Variants in AUTS2 observed in about 807,000 individuals in gnomAD.
The protein encoded by AUTS2 is activator of transcription and developmental regulator AUTS2.
Under a neutral mutation model 112.4 loss-of-function variants are expected in AUTS2, and 17 were observed. The observed-to-expected ratio is 0.15, with a 90% CI of 0.10 to 0.23. The LOEUF (loss-of-function observed/expected upper bound fraction) is 0.23. Among genes scored for constraint, AUTS2 ranks in the 10% least tolerant of loss-of-function variants. AUTS2 has a pLI of 1.00. For synonymous variants in AUTS2, 751 were observed against 702.7 expected, an observed-to-expected ratio of 1.07 and a Z score of -1.09; for missense variants, 1,510 against 1,701.6, an observed-to-expected ratio of 0.89 and a Z score of 1.98.
intron 1 of AUTS2, among the ~76,000 whole-genome samples, chr7:69,865,396 G>A (rs1470836133): frequency 6.6e-6 from 1 of 152,110 alleles, no homozygotes; most frequent in Non-Finnish European, 1.5e-5. Context: ...TAGTCTCTGT[G>A]CTGTCCAGAA....
At position 69,827,463 on chromosome 7, in the gene AUTS2, T is replaced by TA. The variant is rs909049225; in HGVS notation, c.310-71816dup. Among the ~76,000 whole-genome samples, 35 of 152,016 alleles carry TA rather than the reference T, an allele frequency of 2.3e-4. No individual in the cohort carries two copies. In the East Asian group the frequency reaches 6.4e-3, roughly 28 times the overall value. On this transcript the variant is annotated intron_variant, in intron 1 of 18. Coordinates refer to ENST00000342771, the MANE Select transcript of AUTS2 (RefSeq NM_015570.4). ...AAAGAAGAGGGGAAAAAAAAACCCC[T>TA]AAAAAAACCCTGGATTCTGAAGATG...
intron 4 of AUTS2, among the ~76,000 whole-genome samples, chr7:70,148,341 G>T (rs373856579): frequency 1.1e-4 from 16 of 152,192 alleles, no homozygotes; most frequent in African/African-American, 3.4e-4. Flanking sequence ...AAAAAAGAGA[G>T]CTTCCTTATA....
chr7:70,297,954 C>A (rs1319441334), intron 4 of AUTS2, among the ~76,000 whole-genome samples: 3 of 152,158 alleles, frequency 2.0e-5, no homozygotes, highest in African/African-American at 7.2e-5. Flanking sequence ...GAGGGTAGAA[C>A]CTCCTTTGCT....
At chr7:70,362,849 C>G (rs1205541986) in intron 4 of AUTS2, among the ~76,000 whole-genome samples, 1 of 152,106 alleles carries the variant, frequency 6.6e-6, no homozygotes, top group Non-Finnish European at 1.5e-5. Flanking sequence ...GCATGAACAC[C>G]TGGAGATACG....
chr7:69,662,638 AT>A (rs201108853), intron 1 of AUTS2, among the ~76,000 whole-genome samples: 1,603 of 152,290 alleles, frequency 0.011, 9 homozygotes, highest in Non-Finnish European at 0.016. Context: ...GCTTTGGTAT[AT>A]TGAAAGCACC....
intron 1 of AUTS2, among the ~76,000 whole-genome samples, chr7:69,659,987 G>C (rs1054396403): frequency 6.6e-6 from 1 of 152,106 alleles, no homozygotes; most frequent in African/African-American, 2.4e-5. Flanking sequence ...ACAGACTTTA[G>C]AGGGACTTCA....
At chr7:70,600,670 T>C (rs1230068636) in intron 5 of AUTS2, among the ~76,000 whole-genome samples, 1 of 152,166 alleles carries the variant, frequency 6.6e-6, no homozygotes, top group Non-Finnish European at 1.5e-5. Context: ...CCAAAAGAGA[T>C]CCCACACCCA....
intron 5 of AUTS2, among the ~76,000 whole-genome samples, chr7:70,495,697 TCACACA>T (rs71531703): frequency 1.5e-3 from 14 of 9,200 alleles, no homozygotes; most frequent in African/African-American, 8.3e-3. Context: ...ACGTACACAG[TCACACA>T]CACACACACC....
chr7:70,362,427 G>A (rs542228555), intron 4 of AUTS2, among the ~76,000 whole-genome samples: 1 of 152,274 alleles, frequency 6.6e-6, no homozygotes, highest in East Asian at 1.9e-4. Context: ...CTGCAGCAGA[G>A]AAGACATTCA....
intron 1 of AUTS2, among the ~76,000 whole-genome samples, chr7:69,834,474 T>C (rs1037157894): frequency 1.3e-5 from 2 of 152,194 alleles, no homozygotes; most frequent in Non-Finnish European, 2.9e-5. Flanking sequence ...GGCTCCCTCA[T>C]TGCTAAACAG....
intron 1 of AUTS2, among the ~76,000 whole-genome samples, chr7:69,692,007 G>A (rs1205296978): frequency 6.6e-6 from 1 of 152,160 alleles, no homozygotes; most frequent in Non-Finnish European, 1.5e-5. Context: ...TTTGTCAACT[G>A]TGCCATCCAG....
At chr7:70,286,076 T>C (rs1380202732) in intron 4 of AUTS2, among the ~76,000 whole-genome samples, 7 of 152,154 alleles carry the variant, frequency 4.6e-5, no homozygotes, top group Non-Finnish European at 1.0e-4. Flanking sequence ...AAGCAGCACG[T>C]TCAAAGACTC....
At chr7:70,156,898 A>T (rs1209437242) in intron 4 of AUTS2, among the ~76,000 whole-genome samples, 5 of 80,488 alleles carry the variant, frequency 6.2e-5, no homozygotes, top group Admixed American at 2.4e-4. Flanking sequence ...AAGTAAAAAA[A>T]AAAAAAAAAA....
intron 5 of AUTS2, among the ~76,000 whole-genome samples, chr7:70,463,046 G>A (rs1321815898): frequency 1.3e-5 from 2 of 152,156 alleles, no homozygotes; most frequent in Non-Finnish European, 2.9e-5. Flanking sequence ...TGATTGGCAA[G>A]TTTGGTTGGG....
intron 1 of AUTS2, among the ~76,000 whole-genome samples, chr7:69,889,240 A>G (rs565060980): frequency 7.0e-4 from 107 of 152,128 alleles, no homozygotes; most frequent in Non-Finnish European, 1.3e-3. Flanking sequence ...TGTGTCCTCT[A>G]CTCTGTTCTC....
At chr7:70,030,249 G>A (rs975570629) in intron 2 of AUTS2, among the ~76,000 whole-genome samples, 1 of 152,190 alleles carries the variant, frequency 6.6e-6, no homozygotes, top group African/African-American at 2.4e-5. Context: ...CCATTGAATT[G>A]TACAATGAAT....
chr7:69,797,175 G>A (rs144860359), intron 1 of AUTS2, among the ~76,000 whole-genome samples: 80 of 152,264 alleles, frequency 5.3e-4, no homozygotes, highest in African/African-American at 1.8e-3. Context: ...GGAGACCTGG[G>A]GACTTTTGCA....
At chr7:70,139,620 A>G (rs1806751013) in intron 4 of AUTS2, among the ~76,000 whole-genome samples, 1 of 152,190 alleles carries the variant, frequency 6.6e-6, no homozygotes, top group Non-Finnish European at 1.5e-5. Flanking sequence ...CATTCAAATT[A>G]ATAATTTTGT....
intron 2 of AUTS2, among the ~76,000 whole-genome samples, chr7:69,958,484 A>C (rs1171663940): frequency 6.6e-6 from 1 of 152,108 alleles, no homozygotes; most frequent in East Asian, 1.9e-4. Flanking sequence ...ATCAGGGCCA[A>C]GTGGAGGTGC....
Sources: gnomAD v4.1 joint callset for allele counts (sites outside exome capture counted in the v4.1 genomes callset) on GRCh38, gnomAD v4.1.1 for gene constraint, MANE v1.5 for transcripts, NCBI Gene and HGNC (gene_info 2026-07-23, HGNC 2026-07-21) for gene names.